EAF2: variants seen among roughly 807,000 people sequenced by gnomAD.
The protein encoded by EAF2 is ELL-associated factor 2.
EAF2 carries 29 observed loss-of-function variants against 29.4 expected under a neutral mutation model. The observed-to-expected ratio is 0.99, with a 90% CI of 0.73 to 1.35. The LOEUF (loss-of-function observed/expected upper bound fraction) is 1.35, where lower values mean the gene tolerates loss of function less well. Ranked by LOEUF, EAF2 falls within the 40% of genes most tolerant of loss-of-function variation. EAF2 has a pLI of 0.00. For synonymous variants in EAF2, 103 were observed against 102.5 expected, an observed-to-expected ratio of 1.00 and a Z score of -0.03; for missense variants, 292 against 312.0, an observed-to-expected ratio of 0.94 and a Z score of 0.48.
At chr3:121,842,963 T>C (rs1390926598) in intron 1 of EAF2, among the ~76,000 whole-genome samples, 2 of 152,212 alleles carry the variant, frequency 1.3e-5, no homozygotes, top group African/African-American at 4.8e-5. Context: ...TCAAAACTCT[T>C]TCACATTTTC....
At chr3:121,851,776 A>G (rs191268895) in intron 2 of EAF2, among the ~76,000 whole-genome samples, 9 of 152,332 alleles carry the variant, frequency 5.9e-5, no homozygotes, top group Admixed American at 2.0e-4. Context: ...GAGGAGAATA[A>G]CAATAATCTA....
At chr3:121,858,366 T>G (rs1399396230) in intron 4 of EAF2, among the ~76,000 whole-genome samples, 1 of 152,252 alleles carries the variant, frequency 6.6e-6, no homozygotes, top group Non-Finnish European at 1.5e-5. Context: ...CCATTCTAAC[T>G]GGTGTGAGAT....
chr3:121,875,658 A>G lies in EAF2; in HGVS notation c.736+2870A>G, dbSNP rs553134467. Among the ~76,000 whole-genome samples, 4 of 152,166 alleles carry G rather than the reference A, an allele frequency of 2.6e-5. No homozygotes were observed. In the East Asian group the frequency reaches 7.7e-4, roughly 29 times the overall value. On this transcript the variant is annotated intron_variant, in intron 5 of 5. Transcript: ENST00000273668. ...ATCTTTTTACAGAGCAATTAAGACAAAGACATTTAAATAAGTACGCTAAAA... is the reference window on the plus strand; with the variant it reads ...ATCTTTTTACAGAGCAATTAAGACAGAGACATTTAAATAAGTACGCTAAAA...
At chr3:121,839,896 G>T (rs1322027365) in intron 1 of EAF2, among the ~76,000 whole-genome samples, 1 of 152,094 alleles carries the variant, frequency 6.6e-6, no homozygotes, top group African/African-American at 2.4e-5. Context: ...ACATGTCCAC[G>T]AAAAGGTAAA....
chr3:121,879,578 G>A (rs1027317401), intron 5 of EAF2, among the ~76,000 whole-genome samples: 3 of 150,442 alleles, frequency 2.0e-5, no homozygotes, highest in African/African-American at 7.3e-5. Flanking sequence ...AGTGAGAAAT[G>A]GGGGTCTAGT....
intron 2 of EAF2, among the ~76,000 whole-genome samples, chr3:121,845,196 T>C (rs536327885): frequency 6.6e-6 from 1 of 151,974 alleles, no homozygotes; most frequent in Non-Finnish European, 1.5e-5. Context: ...TCCCAGCGCT[T>C]TGGGAGGCCG....
At chr3:121,878,667 G>A (rs1259608504) in intron 5 of EAF2, among the ~76,000 whole-genome samples, 1 of 151,820 alleles carries the variant, frequency 6.6e-6, no homozygotes, top group African/African-American at 2.4e-5. Context: ...TTCTTTCTGT[G>A]CCTGGCTTAT....
chr3:121,881,779 G>A (rs957382276), intron 5 of EAF2, among the ~76,000 whole-genome samples: 7 of 152,030 alleles, frequency 4.6e-5, no homozygotes, highest in East Asian at 1.9e-4. Context: ...CCAAAGTGCC[G>A]TGATTGCAGG....
chr3:121,863,124 G>C (rs995886351), intron 4 of EAF2, among the ~76,000 whole-genome samples: 16 of 152,234 alleles, frequency 1.1e-4, no homozygotes, highest in African/African-American at 4.8e-5. Flanking sequence ...GTGTCTCCCA[G>C]TTAGGCTATT....
At chr3:121,882,370 T>C (rs1387766564) in intron 5 of EAF2, among the ~76,000 whole-genome samples, 1 of 147,782 alleles carries the variant, frequency 6.8e-6, no homozygotes, top group Admixed American at 6.7e-5. Context: ...AAAAGTAAAA[T>C]AAATAAAAAC....
At chr3:121,855,906 GT>G (rs1377359476) in intron 3 of EAF2, among the ~76,000 whole-genome samples, 1 of 152,168 alleles carries the variant, frequency 6.6e-6, no homozygotes, top group African/African-American at 2.4e-5. Context: ...CATGTTTACA[GT>G]TTTGTTTTAA....
In EAF2 at chr3:121,872,669, C is replaced by T. The variant is rs778582989; in HGVS notation, c.617C>T (p.Thr206Ile). The T allele has an allele frequency of 7.4e-6, 12 of 1,612,832 alleles. No homozygotes were observed. The highest frequency in any genetic ancestry group is 4.5e-5 in the East Asian group (2 of 44,804). ...GAAGATGAAGATTGCAAATCCTCTACTTCTGATACAGGGAATTGTGTCTCA... is the reference window on the plus strand; with the variant it reads ...GAAGATGAAGATTGCAAATCCTCTATTTCTGATACAGGGAATTGTGTCTCA... ...DSEDEDCKSS[T>I]SDTGNCVSGH... The change falls in exon 5 of 6, where the codon ACT becomes ATT. Residue 206 changes from threonine (T) to isoleucine (I), a missense_variant. Physicochemically the swap from Thr to Ile is moderately conservative, Grantham distance 89. Coordinates refer to ENST00000273668, the MANE Select transcript of EAF2 (RefSeq NM_018456.6).
chr3:121,859,033 G>A (rs200227629), intron 4 of EAF2, among the ~76,000 whole-genome samples: 3 of 152,054 alleles, frequency 2.0e-5, no homozygotes, highest in African/African-American at 7.2e-5. Context: ...GTCTATATAT[G>A]TGTTTTGGTA....
chr3:121,879,650 A>G (rs1709159397), intron 5 of EAF2, among the ~76,000 whole-genome samples: 1 of 140,744 alleles, frequency 7.1e-6, no homozygotes, highest in Admixed American at 7.4e-5. Context: ...CCAGTTTCTC[A>G]GCACCATTTA....
intron 4 of EAF2, among the ~76,000 whole-genome samples, chr3:121,865,361 T>G (rs1398551877): frequency 1.3e-5 from 2 of 152,224 alleles, no homozygotes; most frequent in Non-Finnish European, 2.9e-5. Context: ...TCATTTACCT[T>G]GAGATATTTG....
intron 4 of EAF2, among the ~76,000 whole-genome samples, chr3:121,868,257 T>G (rs971332592): frequency 2.0e-5 from 3 of 152,170 alleles, no homozygotes; most frequent in African/African-American, 4.8e-5. Context: ...ACATTAATTT[T>G]AAAAAGCACA....
intron 4 of EAF2, among the ~76,000 whole-genome samples, chr3:121,860,573 A>G (rs1179077974): frequency 6.6e-6 from 1 of 151,906 alleles, no homozygotes; most frequent in Non-Finnish European, 1.5e-5. Context: ...TTTCTTTATT[A>G]GTCTTGCTAG....
At chr3:121,870,350 A>G (rs1282898146) in intron 4 of EAF2, among the ~76,000 whole-genome samples, 1 of 152,192 alleles carries the variant, frequency 6.6e-6, no homozygotes, top group African/African-American at 2.4e-5. Flanking sequence ...CAACATTGCT[A>G]TTCTCACATT....
chr3:121,865,452 A>C (rs1362645345), intron 4 of EAF2, among the ~76,000 whole-genome samples: 3 of 152,132 alleles, frequency 2.0e-5, no homozygotes, highest in African/African-American at 7.2e-5. Context: ...AAATGGTTGA[A>C]TCACCTTTTC....
Sources: allele counts gnomAD v4.1 joint callset (sites outside exome capture counted in the v4.1 genomes callset), GRCh38; gene constraint gnomAD v4.1.1; transcripts MANE v1.5; gene names NCBI Gene and HGNC (gene_info 2026-07-23, HGNC 2026-07-21).